The following RAB2A variants were observed in gnomAD, a reference collection of about 807,000 sequenced individuals.
RAB2A encodes RAB2A, member RAS oncogene family.
RAB2A carries 7 observed loss-of-function variants against 32.5 expected under a neutral mutation model. That is an observed-to-expected ratio of 0.22 (90% CI 0.12 to 0.40). RAB2A has a LOEUF of 0.40. Ranked by LOEUF, RAB2A falls within the 10% of genes least tolerant of loss-of-function variation. The pLI is 1.00. For missense variants in RAB2A, 108 were observed against 260.7 expected, an observed-to-expected ratio of 0.41 and a Z score of 4.03; for synonymous variants, 79 against 85.2, an observed-to-expected ratio of 0.93 and a Z score of 0.40.
intron 1 of RAB2A, among the ~76,000 whole-genome samples, chr8:60,519,321 T>G (rs1253365861): frequency 6.6e-6 from 1 of 151,772 alleles, no homozygotes; most frequent in African/African-American, 2.4e-5. Context: ...ATTTCTCGCC[T>G]TCTTTCCCGC....
At chr8:60,559,092 A>G in intron 2 of RAB2A, 169 bp downstream of exon 2, 1 of 545,712 alleles carries the variant, frequency 1.8e-6, no homozygotes, top group Non-Finnish European at 3.2e-6. Flanking sequence ...GTAAAAATAA[A>G]TATTACCTAA....
intron 1 of RAB2A, among the ~76,000 whole-genome samples, chr8:60,542,493 C>T (rs535958061): frequency 3.4e-5 from 5 of 148,210 alleles, no homozygotes; most frequent in Admixed American, 1.3e-4. Context: ...TCCTGCCTGA[C>T]GACAGAGTGA....
chr8:60,547,624 C>G (rs1586074323), intron 1 of RAB2A, among the ~76,000 whole-genome samples: 1 of 123,834 alleles, frequency 8.1e-6, no homozygotes, highest in African/African-American at 2.9e-5. Context: ...CCCCTCACCT[C>G]CCGGACGGGG....
At chr8:60,584,163 G>T in intron 3 of RAB2A, 45 bp from the exon 4 acceptor site, 1 of 1,389,084 alleles carries the variant, frequency 7.2e-7, no homozygotes, top group Non-Finnish European at 1.0e-6. Context: ...AAATGTAGAG[G>T]ACATTGTATT....
At chr8:60,519,748 G>A (rs570921094) in intron 1 of RAB2A, among the ~76,000 whole-genome samples, 19 of 152,028 alleles carry the variant, frequency 1.2e-4, no homozygotes, top group African/African-American at 4.6e-4. Flanking sequence ...GTAGAAGGTA[G>A]GCCCTGTATA....
intron 3 of RAB2A, among the ~76,000 whole-genome samples, chr8:60,572,517 T>C (rs1808211552): frequency 6.6e-6 from 1 of 152,240 alleles, no homozygotes; most frequent in African/African-American, 2.4e-5. Context: ...CACGTTGCTC[T>C]TAATTCAGTA....
intron 3 of RAB2A, among the ~76,000 whole-genome samples, chr8:60,577,817 G>C (rs9772589): frequency 7.4e-6 from 1 of 135,628 alleles, no homozygotes; most frequent in Non-Finnish European, 1.5e-5. Flanking sequence ...TTTTTTTTTG[G>C]ATTTTTAGTG....
chr8:60,565,152 C>T (rs943881090), intron 2 of RAB2A, among the ~76,000 whole-genome samples: 1 of 152,198 alleles, frequency 6.6e-6, no homozygotes, highest in African/African-American at 2.4e-5. Flanking sequence ...GATTGCTGGG[C>T]TCATGCCTAT....
intron 1 of RAB2A, among the ~76,000 whole-genome samples, chr8:60,519,392 G>T (rs1261057812): frequency 6.6e-6 from 1 of 152,012 alleles, no homozygotes; most frequent in Non-Finnish European, 1.5e-5. Context: ...TTTTTTCCTG[G>T]GCACTGCTAG....
intron 2 of RAB2A, among the ~76,000 whole-genome samples, chr8:60,567,722 G>A (rs1190471905): frequency 7.1e-6 from 1 of 140,092 alleles, no homozygotes; most frequent in Non-Finnish European, 1.5e-5. Flanking sequence ...GCTTTTTTAA[G>A]TTTGGAGATT....
chr8:60,593,810 T>C (rs1803977610), intron 6 of RAB2A, among the ~76,000 whole-genome samples: 1 of 151,876 alleles, frequency 6.6e-6, no homozygotes, highest in South Asian at 2.1e-4. Flanking sequence ...GCAGCAATCA[T>C]TAAAATGCCT....
At chr8:60,522,508 TC>T (rs1012771224) in intron 1 of RAB2A, among the ~76,000 whole-genome samples, 3 of 152,200 alleles carry the variant, frequency 2.0e-5, no homozygotes, top group Non-Finnish European at 4.4e-5. Flanking sequence ...TGTAGGGTCC[TC>T]CTACTTTCTT....
chr8:60,590,611 A>G (rs1045783425), intron 5 of RAB2A, among the ~76,000 whole-genome samples: 2 of 147,724 alleles, frequency 1.4e-5, no homozygotes, highest in Non-Finnish European at 3.0e-5. Flanking sequence ...ACATATATAT[A>G]TAATGCTTAT....
At chr8:60,602,045 AT>A (rs796147981) in intron 6 of RAB2A, among the ~76,000 whole-genome samples, 145 of 144,882 alleles carry the variant, frequency 1.0e-3, no homozygotes, top group Non-Finnish European at 1.1e-3. Flanking sequence ...TGCCCAGCTA[AT>A]TTTTTTTTTT....
intron 2 of RAB2A, among the ~76,000 whole-genome samples, chr8:60,567,540 A>G (rs1399463282): frequency 6.6e-6 from 1 of 152,092 alleles, no homozygotes; most frequent in Non-Finnish European, 1.5e-5. Flanking sequence ...ATTTTTAGTG[A>G]GGCTTTTAAA....
At chr8:60,587,529 A>T (rs1306343457) in intron 5 of RAB2A, among the ~76,000 whole-genome samples, 2 of 152,218 alleles carry the variant, frequency 1.3e-5, no homozygotes, top group African/African-American at 2.4e-5. Context: ...AACTGAATTT[A>T]AAACTTTTGT....
intron 1 of RAB2A, among the ~76,000 whole-genome samples, chr8:60,537,389 T>C (rs937236583): frequency 3.9e-5 from 6 of 152,220 alleles, no homozygotes; most frequent in African/African-American, 1.4e-4. Flanking sequence ...GCCCAGCTAA[T>C]TTTGTGTTTT....
At chr8:60,556,560 G>A (rs1443833695) in intron 1 of RAB2A, among the ~76,000 whole-genome samples, 2 of 150,242 alleles carry the variant, frequency 1.3e-5, no homozygotes, top group Admixed American at 6.7e-5. Context: ...AGCTACCTGA[G>A]AGGCTAAGGT....
At chr8:60,532,793 A>C (rs1807497564) in intron 1 of RAB2A, among the ~76,000 whole-genome samples, 1 of 152,218 alleles carries the variant, frequency 6.6e-6, no homozygotes, top group Non-Finnish European at 1.5e-5. Context: ...TACATACATG[A>C]GCCACTGCAC....
Sources: gnomAD v4.1 joint callset for allele counts (sites outside exome capture counted in the v4.1 genomes callset) on GRCh38, gnomAD v4.1.1 for gene constraint, MANE v1.5 for transcripts, NCBI Gene and HGNC (gene_info 2026-07-23, HGNC 2026-07-21) for gene names.